Variants in SERPINB8 observed in about 807,000 individuals in gnomAD.
The protein encoded by SERPINB8 is serpin family B member 8, also known as serpin B8.
SERPINB8 carries 25 observed loss-of-function variants against 35.3 expected under a neutral mutation model. The observed-to-expected ratio is 0.71, with a 90% CI of 0.52 to 0.99. The LOEUF (loss-of-function observed/expected upper bound fraction) is 0.99, where lower values mean the gene tolerates loss of function less well. Ranked by LOEUF, SERPINB8 falls within the 50% of genes least tolerant of loss-of-function variation. SERPINB8 has a pLI of 0.00. For missense variants in SERPINB8, 484 were observed against 446.5 expected, an observed-to-expected ratio of 1.08 and a Z score of -0.76; for synonymous variants, 186 against 160.8, an observed-to-expected ratio of 1.16 and a Z score of -1.19.
chr18:63,980,258 G>A (rs1279571485), intron 3 of SERPINB8, among the ~76,000 whole-genome samples: 2 of 151,982 alleles, frequency 1.3e-5, no homozygotes, highest in Non-Finnish European at 2.9e-5. Context: ...GTGGTTATTC[G>A]GCTGCCTCCT....
intron 1 of SERPINB8, among the ~76,000 whole-genome samples, chr18:63,974,746 A>G (rs1599131045): frequency 6.6e-6 from 1 of 152,268 alleles, no homozygotes; most frequent in Middle Eastern, 3.4e-3. Context: ...TAAAGTCCAA[A>G]TGAGATTGGA....
At chr18:64,004,899 G>C in exon 2 of SERPINB8, 1 of 398,506 alleles carries the variant, frequency 2.5e-6, no homozygotes, top group Non-Finnish European at 4.4e-6. Flanking sequence ...AGAAACATCA[G>C]ACGGCATTGA....
downstream of SERPINB8, among the ~76,000 whole-genome samples, chr18:63,992,678 CG>C (rs1232599740): frequency 6.6e-6 from 1 of 152,130 alleles, no homozygotes; most frequent in African/African-American, 2.4e-5. Flanking sequence ...TAACCGACCA[CG>C]ATCCCTGATG....
intron 7 of SERPINB8, among the ~76,000 whole-genome samples, chr18:64,015,153 A>T (rs2050943801): frequency 6.6e-6 from 1 of 152,164 alleles, no homozygotes; most frequent in African/African-American, 2.4e-5. Flanking sequence ...TGTGTCAGAC[A>T]GACCTAACTT....
At chr18:64,006,258 G>A (rs538086301), downstream of SERPINB8, among the ~76,000 whole-genome samples, 10 of 152,198 alleles carry the variant, frequency 6.6e-5, no homozygotes, top group South Asian at 2.1e-4. Context: ...AGTTAAGGCT[G>A]CCTTAGTACA....
chr18:63,990,009 T>C (rs2050815261), downstream of SERPINB8, among the ~76,000 whole-genome samples: 1 of 148,566 alleles, frequency 6.7e-6, no homozygotes. Context: ...TGTTCTTTGA[T>C]GAAATGTCTT....
intron 1 of SERPINB8, among the ~76,000 whole-genome samples, chr18:64,001,475 G>GTTTGTTTGTTTGTTTA (rs1555716935): frequency 6.8e-6 from 1 of 146,804 alleles, no homozygotes; most frequent in Non-Finnish European, 1.5e-5. Flanking sequence ...TTGTTTGTTT[G>GTTTGTTTGTTTGTTTA]TTTATTTATT....
downstream of SERPINB8, among the ~76,000 whole-genome samples, chr18:63,990,463 C>A (rs1162716671): frequency 6.6e-6 from 1 of 152,004 alleles, no homozygotes; most frequent in Non-Finnish European, 1.5e-5. Context: ...ATTTTTCTCC[C>A]AGCTCATGGC....
intron 2 of SERPINB8, among the ~76,000 whole-genome samples, chr18:63,978,984 G>A (rs1321268576): frequency 6.6e-6 from 1 of 152,208 alleles, no homozygotes; most frequent in Non-Finnish European, 1.5e-5. Context: ...ATTCAAAATG[G>A]TGATGTATGA....
At chr18:63,982,817 C>T (rs1298137296) in intron 4 of SERPINB8, among the ~76,000 whole-genome samples, 3 of 152,014 alleles carry the variant, frequency 2.0e-5, no homozygotes, top group Admixed American at 6.6e-5. Flanking sequence ...ACCCACATTT[C>T]CCCCAGAATA....
intron 5 of SERPINB8, 60 bp downstream of exon 5, chr18:63,983,781 TC>T: frequency 8.5e-7 from 1 of 1,172,108 alleles, no homozygotes; most frequent in Non-Finnish European, 1.3e-6. Flanking sequence ...CAGGAAATAT[TC>T]TCTTGGAAAA....
At chr18:63,998,285 T>A (rs2050859288) in intron 1 of SERPINB8, among the ~76,000 whole-genome samples, 1 of 152,182 alleles carries the variant, frequency 6.6e-6, no homozygotes, top group Non-Finnish European at 1.5e-5. Context: ...GCAACACTCT[T>A]CAGTCCCTCC....
Position 63,989,270 on chromosome 18 carries a change from T to A in SERPINB8, c.*1992T>A, listed in dbSNP as rs1490741604. ...TAAGTAACATTTTTTTGTATAGGTA[T>A]ACCATGATTTGTTGATGAACAAATT... On this transcript the variant is annotated 3_prime_UTR_variant, in exon 7 of 7. Coordinates refer to ENST00000397985, the MANE Select transcript of SERPINB8 (RefSeq NM_002640.4). 1 of 152,250 alleles carries A rather than the reference T, an allele frequency of 6.6e-6. No individual in the cohort carries two copies. The highest frequency in any genetic ancestry group is 1.5e-5 in the Non-Finnish European group (1 of 68,044). 9.4% of individuals were successfully genotyped at this position (152,250 alleles called of 1,614,324 possible).
intron 7 of SERPINB8, among the ~76,000 whole-genome samples, chr18:64,016,551 T>G (rs576483986): frequency 1.3e-5 from 2 of 152,126 alleles, no homozygotes; most frequent in Non-Finnish European, 2.9e-5. Context: ...AAAAAGCGGT[T>G]TATGGGAAAG....
intron 7 of SERPINB8, among the ~76,000 whole-genome samples, chr18:64,013,173 T>C (rs569000205): frequency 6.6e-6 from 1 of 152,186 alleles, no homozygotes; most frequent in South Asian, 2.1e-4. Context: ...TGTGGTTCTG[T>C]CTCTTTCTTC....
At chr18:63,996,787 C>T (rs566175317) in intron 1 of SERPINB8, among the ~76,000 whole-genome samples, 3 of 152,332 alleles carry the variant, frequency 2.0e-5, no homozygotes, top group South Asian at 4.1e-4. Context: ...CACAACATCT[C>T]GTTTAGAGGA....
chr18:64,005,677 G>C (rs1027361103), downstream of SERPINB8: 1 of 152,134 alleles, frequency 6.6e-6, no homozygotes, highest in African/African-American at 2.4e-5. Context: ...CAAATTTATG[G>C]TCTTTTGTTT....
intron 7 of SERPINB8, among the ~76,000 whole-genome samples, chr18:64,012,986 T>A (rs943284961): frequency 1.3e-4 from 20 of 152,210 alleles, no homozygotes; most frequent in Non-Finnish European, 2.9e-4. Flanking sequence ...CCCTTGAATT[T>A]CAGAATTAGA....
chr18:63,992,748 G>A (rs2050830687), downstream of SERPINB8, among the ~76,000 whole-genome samples: 1 of 152,190 alleles, frequency 6.6e-6, no homozygotes. Flanking sequence ...AGTATATTTG[G>A]AAGAAGGGGT....
Sources: allele counts gnomAD v4.1 joint callset (sites outside exome capture counted in the v4.1 genomes callset), GRCh38; gene constraint gnomAD v4.1.1; transcripts MANE v1.5; gene names NCBI Gene and HGNC (gene_info 2026-07-23, HGNC 2026-07-21).